Variants in DENND1B observed in about 807,000 individuals in gnomAD.
DENND1B encodes DENN domain containing 1B.
A neutral mutation model predicts 90.1 loss-of-function variants in DENND1B; 59 were observed. The observed-to-expected ratio is 0.65, with a 90% CI of 0.53 to 0.81. The LOEUF (loss-of-function observed/expected upper bound fraction) is 0.81, where lower values mean the gene tolerates loss of function less well. Among genes scored for constraint, DENND1B ranks in the 40% least tolerant of loss-of-function variants. The pLI is 0.00. For missense variants in DENND1B, 862 were observed against 912.6 expected, an observed-to-expected ratio of 0.94 and a Z score of 0.71; for synonymous variants, 337 against 324.6, an observed-to-expected ratio of 1.04 and a Z score of -0.41.
chr1:197,566,730 G>A (rs982311828), intron 15 of DENND1B, among the ~76,000 whole-genome samples: 3 of 151,776 alleles, frequency 2.0e-5, no homozygotes, highest in African/African-American at 7.3e-5. Flanking sequence ...AACACAAGAA[G>A]GAGCCAAACA....
intron 12 of DENND1B, among the ~76,000 whole-genome samples, chr1:197,608,532 T>C (rs1013410154): frequency 2.0e-5 from 3 of 150,802 alleles, no homozygotes; most frequent in South Asian, 2.1e-4. Context: ...AGTAACCTAT[T>C]TTATAAGTAA....
chr1:197,666,315 C>T (rs975061609), intron 5 of DENND1B, among the ~76,000 whole-genome samples: 3 of 152,166 alleles, frequency 2.0e-5, no homozygotes, highest in African/African-American at 7.2e-5. Flanking sequence ...ATAAAGACTA[C>T]AGTTAATCAT....
chr1:197,570,456 T>G (rs751155346), intron 15 of DENND1B, among the ~76,000 whole-genome samples: 4 of 152,196 alleles, frequency 2.6e-5, no homozygotes, highest in African/African-American at 2.4e-5. Flanking sequence ...AAATTTTTAT[T>G]CAATTACCTG....
chr1:197,707,652 TATTA>T (rs1659711010), intron 3 of DENND1B, among the ~76,000 whole-genome samples: 1 of 146,786 alleles, frequency 6.8e-6, no homozygotes, highest in Non-Finnish European at 1.5e-5. Context: ...AATATACATA[TATTA>T]TATACATATA....
intron 15 of DENND1B, among the ~76,000 whole-genome samples, chr1:197,576,336 T>C (rs987951562): frequency 2.6e-5 from 4 of 152,088 alleles, no homozygotes; most frequent in Admixed American, 2.0e-4. Flanking sequence ...ACCAAGCACC[T>C]TATATAGTGT....
intron 18 of DENND1B, 54 bp downstream of exon 18, chr1:197,545,868 G>A: frequency 7.0e-7 from 1 of 1,433,508 alleles, no homozygotes; most frequent in Non-Finnish European, 9.6e-7. Context: ...CTATCACCTA[G>A]GAAAATGTTT....
chr1:197,740,674 T>C (rs1040794858), intron 2 of DENND1B, among the ~76,000 whole-genome samples: 2 of 152,194 alleles, frequency 1.3e-5, no homozygotes, highest in Non-Finnish European at 2.9e-5. Context: ...GGATAGTCTA[T>C]AGCTTTTGTT....
In DENND1B at chr1:197,542,486, C is replaced by T. The variant is rs565202825; in HGVS notation, c.1351-1471G>A. ...GTAGGGACAGTATCTCTTACTGTACCTTCATGTTCTGCTATAACTCCAATG... is the reference window on the plus strand; with the variant it reads ...GTAGGGACAGTATCTCTTACTGTACTTTCATGTTCTGCTATAACTCCAATG... On this transcript the variant is annotated intron_variant, in intron 18 of 22. Coordinates refer to ENST00000620048, the MANE Select transcript of DENND1B (RefSeq NM_001195215.2). Among the ~76,000 whole-genome samples, 5 of 152,158 alleles carry T rather than the reference C, an allele frequency of 3.3e-5. No homozygotes were observed. In the South Asian group the frequency reaches 1.0e-3, roughly 32 times the overall value.
intron 14 of DENND1B, among the ~76,000 whole-genome samples, chr1:197,586,812 G>T (rs961271123): frequency 6.6e-6 from 1 of 152,170 alleles, no homozygotes; most frequent in Non-Finnish European, 1.5e-5. Context: ...AGCTTCAGCC[G>T]AATCCCATGG....
chr1:197,514,445 T>A (rs1214774243), intron 20 of DENND1B, among the ~76,000 whole-genome samples: 1 of 151,724 alleles, frequency 6.6e-6, no homozygotes. Flanking sequence ...TTCTTGATGT[T>A]CAAATTGTTC....
intron 15 of DENND1B, among the ~76,000 whole-genome samples, chr1:197,573,513 T>G (rs1673367975): frequency 6.6e-6 from 1 of 152,182 alleles, no homozygotes; most frequent in Non-Finnish European, 1.5e-5. Flanking sequence ...AGCCAAATTC[T>G]ACCAGAGGCA....
chr1:197,738,133 C>T (rs1662886352), intron 2 of DENND1B, among the ~76,000 whole-genome samples: 1 of 152,072 alleles, frequency 6.6e-6, no homozygotes, highest in Non-Finnish European at 1.5e-5. Flanking sequence ...GTCACTGATC[C>T]AGTATGAATT....
intron 14 of DENND1B, among the ~76,000 whole-genome samples, chr1:197,592,719 C>G (rs1675343563): frequency 6.6e-6 from 1 of 152,172 alleles, no homozygotes; most frequent in Non-Finnish European, 1.5e-5. Flanking sequence ...AACAGACTGC[C>G]TGCCCATGGT....
chr1:197,642,450 T>G (rs1680346144), intron 10 of DENND1B, among the ~76,000 whole-genome samples: 1 of 152,032 alleles, frequency 6.6e-6, no homozygotes, highest in East Asian at 1.9e-4. Flanking sequence ...GGCACTAAAA[T>G]GAACTCTGGA....
At chr1:197,589,183 C>T (rs1051236628) in intron 14 of DENND1B, among the ~76,000 whole-genome samples, 2 of 151,972 alleles carry the variant, frequency 1.3e-5, no homozygotes, top group Non-Finnish European at 2.9e-5. Context: ...ATAAGAAAAA[C>T]ACTCTCCATT....
intron 3 of DENND1B, among the ~76,000 whole-genome samples, chr1:197,694,641 A>G (rs1658248294): frequency 6.6e-6 from 1 of 151,424 alleles, no homozygotes; most frequent in African/African-American, 2.4e-5. Flanking sequence ...ACTTTTGACA[A>G]ATGTTTACAG....
chr1:197,698,186 A>C (rs952381833), intron 3 of DENND1B, among the ~76,000 whole-genome samples: 36 of 152,288 alleles, frequency 2.4e-4, no homozygotes, highest in African/African-American at 7.5e-4. Flanking sequence ...ATTCCTCAGC[A>C]AATGCAAAAG....
intron 20 of DENND1B, among the ~76,000 whole-genome samples, chr1:197,516,860 CAATAAA>C (rs1668434599): frequency 6.6e-6 from 1 of 151,678 alleles, no homozygotes; most frequent in Admixed American, 6.6e-5. Context: ...TGAACCCACA[CAATAAA>C]AATAAAAAAT....
Position 197,742,035 on chromosome 1 carries a change from G to A in DENND1B, c.83-26961C>T, listed in dbSNP as rs117935564. Among the ~76,000 whole-genome samples the A allele has an allele frequency of 1.3e-3, 200 of 152,104 alleles. 6 individuals carry two copies. In the East Asian group the frequency reaches 0.024, roughly 18 times the overall value. The stretch of plus-strand genomic sequence containing the variant: ...ATATATGTAAAATCCCTTTCAATCC[G>A]TAAATTAGTACACAAATTTACATTA... On this transcript the variant is annotated intron_variant, in intron 2 of 22. Transcript: ENST00000620048.
Sources: gnomAD v4.1 joint callset for allele counts (sites outside exome capture counted in the v4.1 genomes callset) on GRCh38, gnomAD v4.1.1 for gene constraint, MANE v1.5 for transcripts, NCBI Gene and HGNC (gene_info 2026-07-23, HGNC 2026-07-21) for gene names.